RNF111: variants seen among roughly 807,000 people sequenced by gnomAD.
The protein encoded by RNF111 is ring finger protein 111.
RNF111 carries 17 observed loss-of-function variants against 95.1 expected under a neutral mutation model. That is an observed-to-expected ratio of 0.18 (90% CI 0.12 to 0.27). The LOEUF is 0.27. Ranked by LOEUF, RNF111 falls within the 10% of genes least tolerant of loss-of-function variation. The probability of loss-of-function intolerance (pLI) is 1.00; values close to 1 mark genes in which losing one functional copy is unlikely to be tolerated. For missense variants in RNF111, 1,189 were observed against 1,210.4 expected, an observed-to-expected ratio of 0.98 and a Z score of 0.26; for synonymous variants, 440 against 414.8, an observed-to-expected ratio of 1.06 and a Z score of -0.74.
chr15:59,062,616 A>G (rs2042489316), intron 5 of RNF111, among the ~76,000 whole-genome samples: 1 of 152,228 alleles, frequency 6.6e-6, no homozygotes, highest in African/African-American at 2.4e-5. Context: ...GCAATAGCTA[A>G]CATTTATTGA....
At chr15:59,001,249 C>T (rs528933638) in intron 1 of RNF111, among the ~76,000 whole-genome samples, 7 of 152,174 alleles carry the variant, frequency 4.6e-5, no homozygotes, top group African/African-American at 1.4e-4. Flanking sequence ...ATGGTGGTCT[C>T]TGAGAACAGA....
chr15:59,093,850 T>G (rs1217368349), intron 13 of RNF111, among the ~76,000 whole-genome samples: 1 of 152,192 alleles, frequency 6.6e-6, no homozygotes, highest in Admixed American at 6.5e-5. Context: ...ACACTGTATT[T>G]CTAATGAAGG....
At position 59,070,522 on chromosome 15, in the gene RNF111, T is replaced by A. The variant is rs892362349; in HGVS notation, c.1686+3439T>A. Reference sequence around the variant, plus strand: ...ATTTGAACCATAAACATAAATTCAGTCTTAAAACATTATTCTTAAACCGTA... The same window carrying A: ...ATTTGAACCATAAACATAAATTCAGACTTAAAACATTATTCTTAAACCGTA... On this transcript the variant is annotated intron_variant, in intron 6 of 13. Coordinates refer to ENST00000348370, the MANE Select transcript of RNF111 (RefSeq NM_017610.8). Among the ~76,000 whole-genome samples the A allele has an allele frequency of 2.0e-5, 3 of 152,256 alleles. No homozygotes were observed. In the South Asian group the frequency reaches 6.2e-4, roughly 32 times the overall value.
At chr15:59,086,422 T>C (rs1164171702) in intron 10 of RNF111, among the ~76,000 whole-genome samples, 1 of 152,182 alleles carries the variant, frequency 6.6e-6, no homozygotes, top group Non-Finnish European at 1.5e-5. Flanking sequence ...CCCAGCCTGA[T>C]TTTCTAATCT....
chr15:59,056,641 C>T (rs528586297), intron 4 of RNF111, among the ~76,000 whole-genome samples: 3 of 152,184 alleles, frequency 2.0e-5, no homozygotes, highest in South Asian at 4.2e-4. Flanking sequence ...CTTCTATGGG[C>T]TATTTGCAGT....
Position 59,092,627 on chromosome 15 carries a change from G to A in RNF111, c.2830G>A (p.Gly944Ser). ...CTICLSILEE[G>S]EDVRRLPCMH... ...TATCTGTTTGTCTATTTTAGAGGAAGGTGAAGATGTGAGGTAACTAGATAT... is the reference window on the plus strand; with the variant it reads ...TATCTGTTTGTCTATTTTAGAGGAAAGTGAAGATGTGAGGTAACTAGATAT... The change falls in exon 13 of 14, where the codon GGT becomes AGT. Residue 944 changes from glycine to serine, a missense_variant. Physicochemically the swap from Gly to Ser is moderately conservative, Grantham distance 56. Around this residue, in one of 2 missense-constraint regions of RNF111, gnomAD observed 165 missense variants for 284.6 expected, o/e 0.58. Transcript: ENST00000348370. The A allele has an allele frequency of 6.2e-7, 1 of 1,610,396 alleles. No homozygotes were observed. Among genetic ancestry groups the A allele is most frequent in the Non-Finnish European group, 8.5e-7 (1 of 1,177,736 alleles).
At position 59,004,143 on chromosome 15, in the gene RNF111, A is replaced by G. The variant is rs181529721; in HGVS notation, c.-20+16075A>G. On this transcript the variant is annotated intron_variant, in intron 1 of 13. Coordinates refer to ENST00000348370, the MANE Select transcript of RNF111 (RefSeq NM_017610.8). ...AGTGTGAATGCATGTTTTTTCCCTCATAGATGGCAGTTCTGGATTAGCAGT... is the reference window on the plus strand; with the variant it reads ...AGTGTGAATGCATGTTTTTTCCCTCGTAGATGGCAGTTCTGGATTAGCAGT... 341 of 1,214,846 alleles carry G rather than the reference A, an allele frequency of 2.8e-4. 8 individuals carry two copies. In the East Asian group the frequency reaches 0.018, roughly 63 times the overall value. The allele number at this position is 1,214,846 out of a possible 1,614,324, so 75.3% of individuals were successfully genotyped here.
At chr15:59,007,431 G>T (rs1311271530) in intron 1 of RNF111, among the ~76,000 whole-genome samples, 1 of 152,074 alleles carries the variant, frequency 6.6e-6, no homozygotes, top group Non-Finnish European at 1.5e-5. Context: ...TTGCTGTTTG[G>T]TATCCCGTTG....
chr15:59,013,178 T>A (rs961082370), intron 1 of RNF111, among the ~76,000 whole-genome samples: 2 of 152,218 alleles, frequency 1.3e-5, no homozygotes, highest in African/African-American at 2.4e-5. Context: ...ATAATACCCT[T>A]GTTTTTAAAA....
chr15:59,026,243 A>G (rs370141360), intron 1 of RNF111, among the ~76,000 whole-genome samples: 2 of 152,234 alleles, frequency 1.3e-5, no homozygotes, highest in Non-Finnish European at 1.5e-5. Flanking sequence ...AAACTTGTTT[A>G]TGATGTGAAT....
chr15:59,071,299 A>T (rs1291809401), intron 6 of RNF111, among the ~76,000 whole-genome samples: 77 of 20,048 alleles, frequency 3.8e-3, no homozygotes, highest in African/African-American at 7.5e-3. Flanking sequence ...ACTCCATCTC[A>T]AAAAAAAAAA....
intron 10 of RNF111, among the ~76,000 whole-genome samples, chr15:59,089,314 G>A (rs1266883027): frequency 6.6e-6 from 1 of 152,164 alleles, no homozygotes; most frequent in East Asian, 1.9e-4. Flanking sequence ...CAGAAGTGAA[G>A]TAAAAAACTT....
chr15:59,039,514 G>A (rs1216993427), intron 2 of RNF111, among the ~76,000 whole-genome samples: 5 of 152,072 alleles, frequency 3.3e-5, no homozygotes, highest in African/African-American at 1.2e-4. Context: ...TATTTGATGG[G>A]TTTCAGTTTG....
At position 59,095,934 on chromosome 15, in the gene RNF111, A is replaced by C. The variant is rs2079170206; in HGVS notation, c.*1034A>C. 1 of 398,188 alleles carries C rather than the reference A, an allele frequency of 2.5e-6. No individual in the cohort carries two copies. Among genetic ancestry groups the C allele is most frequent in the Non-Finnish European group, 4.4e-6 (1 of 225,566 alleles). 24.7% of individuals were successfully genotyped at this position (398,188 alleles called of 1,614,324 possible). A position where few individuals can be genotyped will look rare whatever the true frequency, so the allele number is the denominator to read the frequency against. ...CTTTTAAGGGATTTTTATTAGTTTA[A>C]AGGTAAATAAAGTCAGCTGAATCTA... On this transcript the variant is annotated 3_prime_UTR_variant, in exon 14 of 14. Transcript: ENST00000348370.
At chr15:59,052,163 AT>A in intron 2 of RNF111, 141 bp from the exon 3 acceptor site, 1 of 675,572 alleles carries the variant, frequency 1.5e-6, no homozygotes. Flanking sequence ...TTCCTTGTGT[AT>A]TTTTTTAAAA....
chr15:58,994,473 C>CTTTTTTTTTTTTT (rs35787227), intron 1 of RNF111, among the ~76,000 whole-genome samples: 1 of 69,522 alleles, frequency 1.4e-5, no homozygotes, highest in East Asian at 4.1e-4. Flanking sequence ...TTTTCTCTCT[C>CTTTTTTTTTTTTT]TTTTTTTTTT....
chr15:59,042,070 A>C (rs1273911738), intron 2 of RNF111, among the ~76,000 whole-genome samples: 1 of 151,516 alleles, frequency 6.6e-6, no homozygotes, highest in African/African-American at 2.4e-5. Flanking sequence ...TATATAATAC[A>C]CACATTTTTC....
rs2040885776 is a variant in RNF111 at position 59,031,175 on chromosome 15, T to A, written c.353T>A (p.Leu118Gln). The A allele has an allele frequency of 1.2e-6, 2 of 1,614,208 alleles. No homozygotes were observed. Among genetic ancestry groups the A allele is most frequent in the African/African-American group, 2.7e-5 (2 of 75,058 alleles). ...CVKENQGILG[L>Q]RQHLGTPSDE... ...AAAGAAAACCAGGGAATATTAGGAC[T>A]GAGGCAACACCTAGGGACACCAAGT... The change falls in exon 2 of 14, where the codon CTG becomes CAG. Residue 118 changes from leucine to glutamine, a missense_variant. By Grantham distance (113) the Leu-to-Gln change is moderately radical. Around this residue, in one of 2 missense-constraint regions of RNF111, gnomAD observed 1,024 missense variants for 925.9 expected, o/e 1.11. Transcript: ENST00000348370.
At chr15:59,048,833 AC>A (rs1228207731) in intron 2 of RNF111, among the ~76,000 whole-genome samples, 1 of 152,080 alleles carries the variant, frequency 6.6e-6, no homozygotes, top group Non-Finnish European at 1.5e-5. Flanking sequence ...CATACTTGTA[AC>A]CCCAGCACTT....
Sources: gnomAD v4.1 joint callset for allele counts (sites outside exome capture counted in the v4.1 genomes callset) on GRCh38, gnomAD v4.1.1 for gene constraint, gnomAD v4.1.1 regional missense constraint, MANE v1.5 for transcripts, NCBI Gene and HGNC (gene_info 2026-07-23, HGNC 2026-07-21) for gene names.